Variants in TRMT9B observed in about 807,000 individuals in gnomAD.
TRMT9B encodes the protein probable tRNA methyltransferase 9B.
A neutral mutation model predicts 11.5 loss-of-function variants in TRMT9B; 16 were observed. That is an observed-to-expected ratio of 1.39 (90% CI 0.94 to 2.11). The LOEUF is 2.11. Among genes scored for constraint, TRMT9B ranks in the 30% most tolerant of loss-of-function variants. TRMT9B has a pLI of 0.00. For synonymous variants in TRMT9B, 274 were observed against 192.4 expected (o/e 1.42, Z -3.51); for missense variants, 941 against 553.8 (o/e 1.70, Z -7.02).
chr8:12,950,997 C>A (rs1356272745), intron 1 of TRMT9B, among the ~76,000 whole-genome samples: 3 of 152,058 alleles, frequency 2.0e-5, no homozygotes, highest in Admixed American at 2.0e-4. Flanking sequence ...GTGCATAGAT[C>A]CCTGATGATA....
Position 13,008,583 on chromosome 8 carries a change from A to T in TRMT9B, c.154+2227A>T, listed in dbSNP as rs570067391. Among the ~76,000 whole-genome samples the T allele has an allele frequency of 7.2e-5, 11 of 152,346 alleles. No homozygotes were observed. In the South Asian group the frequency reaches 1.9e-3, roughly 26 times the overall value. On this transcript the variant is annotated intron_variant, in intron 3 of 4. Transcript: ENST00000524591. ...AATATGGAAGCTGTAATTTATGAGG[A>T]TTAACTATATTGACAGATAACTTTG...
intron 1 of TRMT9B, among the ~76,000 whole-genome samples, chr8:12,947,068 T>C (rs1344040712): frequency 3.3e-5 from 5 of 152,214 alleles, no homozygotes; most frequent in African/African-American, 9.6e-5. Flanking sequence ...TTGGTTAGCA[T>C]GTCTGTCTCT....
intron 1 of TRMT9B, among the ~76,000 whole-genome samples, chr8:12,952,905 A>C (rs1800812369): frequency 6.6e-6 from 1 of 152,122 alleles, no homozygotes; most frequent in South Asian, 2.1e-4. Context: ...ATGCCTGGCT[A>C]ATTTTTGTAT....
At chr8:12,967,690 A>G in intron 1 of TRMT9B, among the ~76,000 whole-genome samples, 1 of 152,216 alleles carries the variant, frequency 6.6e-6, no homozygotes, top group East Asian at 1.9e-4. Flanking sequence ...CTTCCATAGT[A>G]GAATTACTCA....
intron 1 of TRMT9B, among the ~76,000 whole-genome samples, chr8:12,986,794 A>G (rs1806387718): frequency 6.6e-6 from 1 of 152,116 alleles, no homozygotes; most frequent in Non-Finnish European, 1.5e-5. Context: ...GGTCCTATTA[A>G]TTTGGTTCTT....
In TRMT9B at chr8:13,029,204, G is replaced by GTTTA. The variant is rs905855879; in HGVS notation, c.*7163_*7164insATTT. On this transcript the variant is annotated 3_prime_UTR_variant, in exon 5 of 5. Coordinates refer to ENST00000524591, the MANE Select transcript of TRMT9B (RefSeq NM_020844.3). The stretch of plus-strand genomic sequence containing the variant: ...ATAGCTTTTGTTTGTTTGTTTGTTT[G>GTTTA]TTTCAGGGAAATTTAGAACAATTAT... 1 of 166,564 alleles carries GTTTA rather than the reference G, an allele frequency of 6.0e-6. No homozygotes were observed. Among genetic ancestry groups the GTTTA allele is most frequent in the Non-Finnish European group, 1.5e-5 (1 of 68,018 alleles). 10.3% of individuals were successfully genotyped at this position (166,564 alleles called of 1,614,324 possible).
At chr8:12,994,185 A>C (rs1488630272) in intron 2 of TRMT9B, among the ~76,000 whole-genome samples, 9 of 152,216 alleles carry the variant, frequency 5.9e-5, no homozygotes, top group Admixed American at 3.9e-4. Flanking sequence ...TTTAATCTCT[A>C]AAACGTCTGC....
Position 13,023,212 on chromosome 8 carries a change from A to G in TRMT9B, c.*1168A>G, listed in dbSNP as rs966358261. ...ATTGACTAATGATGAGTCTGCATCA[A>G]GAACTAGGCATTTCTTCTGAGTTGA... On this transcript the variant is annotated 3_prime_UTR_variant, in exon 5 of 5. Coordinates refer to ENST00000524591, the MANE Select transcript of TRMT9B (RefSeq NM_020844.3). 6.0e-6 allele frequency: 1 copy of G among 167,146 alleles called. No homozygotes were observed. The highest frequency in any genetic ancestry group is 2.4e-5 in the African/African-American group (1 of 41,468). 10.4% of individuals were successfully genotyped at this position (167,146 alleles called of 1,614,324 possible). A position where few individuals can be genotyped will look rare whatever the true frequency, so the allele number is the denominator to read the frequency against.
In TRMT9B at chr8:13,012,324, C is replaced by T. The variant is rs988369688; in HGVS notation, c.155-360C>T. ...AGGCACAGTGGCTTGCACCTGTAAT[C>T]CCAGCACTTTGGGAGGCCGAGGCAG... On this transcript the variant is annotated intron_variant, in intron 3 of 4. Coordinates refer to ENST00000524591, the MANE Select transcript of TRMT9B (RefSeq NM_020844.3). 9.2e-6 allele frequency: 9 copies of T among 975,828 alleles called. No homozygotes were observed. In the African/African-American group the frequency reaches 1.4e-4, roughly 15 times the overall value. The allele number at this position is 975,828 out of a possible 1,614,324, so 60.4% of individuals were successfully genotyped here.
intron 2 of TRMT9B, among the ~76,000 whole-genome samples, chr8:12,995,908 C>T (rs894026164): frequency 2.6e-5 from 4 of 152,168 alleles, no homozygotes; most frequent in Non-Finnish European, 4.4e-5. Flanking sequence ...GACTAAATAT[C>T]ACAGATGATC....
At chr8:12,964,956 G>T (rs186781622) in intron 1 of TRMT9B, among the ~76,000 whole-genome samples, 144 of 152,228 alleles carry the variant, frequency 9.5e-4, no homozygotes, top group African/African-American at 3.4e-3. Context: ...TCATAAAATG[G>T]AATATGAAAA....
chr8:13,006,721 T>A (rs1295851534), intron 3 of TRMT9B: 4 of 1,115,120 alleles, frequency 3.6e-6, no homozygotes, highest in Non-Finnish European at 3.5e-6. Context: ...CAGATTGGAG[T>A]GCAGTGGTGC....
intron 1 of TRMT9B, among the ~76,000 whole-genome samples, chr8:12,989,300 C>T (rs1027880515): frequency 3.3e-5 from 5 of 152,176 alleles, no homozygotes; most frequent in African/African-American, 1.2e-4. Context: ...TGGAATTCAA[C>T]TCCTTTTAGA....
intron 1 of TRMT9B, among the ~76,000 whole-genome samples, chr8:12,990,367 A>G (rs1469704486): frequency 6.6e-6 from 1 of 152,184 alleles, no homozygotes; most frequent in Non-Finnish European, 1.5e-5. Flanking sequence ...GTTTCATAAC[A>G]AACTCTTATG....
chr8:13,009,348 G>A (rs1268237568), intron 3 of TRMT9B, among the ~76,000 whole-genome samples: 3 of 152,066 alleles, frequency 2.0e-5, no homozygotes, highest in Non-Finnish European at 4.4e-5. Flanking sequence ...AAAAAAAAAG[G>A]GAAAACTATC....
intron 3 of TRMT9B, chr8:13,011,565 GAATAT>G (rs1811616032): frequency 3.2e-6 from 3 of 931,876 alleles, no homozygotes; most frequent in South Asian, 9.9e-5. Flanking sequence ...ATCTGTGATA[GAATAT>G]AATACTAAGT....
At chr8:12,993,995 A>C (rs1009761025) in intron 2 of TRMT9B, among the ~76,000 whole-genome samples, 2 of 152,206 alleles carry the variant, frequency 1.3e-5, no homozygotes, top group African/African-American at 4.8e-5. Flanking sequence ...AGCCATCAGC[A>C]GTTCTGCTCC....
chr8:12,986,353 G>C (rs1217128562), intron 1 of TRMT9B, among the ~76,000 whole-genome samples: 3 of 152,132 alleles, frequency 2.0e-5, no homozygotes, highest in South Asian at 2.1e-4. Context: ...TTGTACAGTA[G>C]ACATTCATTG....
intron 1 of TRMT9B, among the ~76,000 whole-genome samples, chr8:12,979,398 G>A (rs1804992033): frequency 6.6e-6 from 1 of 152,084 alleles, no homozygotes; most frequent in Non-Finnish European, 1.5e-5. Flanking sequence ...GTCGAGTTAA[G>A]AATTAAATGG....
Sources: gnomAD v4.1 joint callset for allele counts (sites outside exome capture counted in the v4.1 genomes callset) on GRCh38, gnomAD v4.1.1 for gene constraint, MANE v1.5 for transcripts, NCBI Gene and HGNC (gene_info 2026-07-23, HGNC 2026-07-21) for gene names.